Variants in GXYLT2 observed in about 807,000 individuals in gnomAD.
The protein encoded by GXYLT2 is glycosyltransferase 8 domain containing 4.
Under a neutral mutation model 45.8 loss-of-function variants are expected in GXYLT2, and 53 were observed. The observed-to-expected ratio is 1.16, with a 90% CI of 0.93 to 1.46. The LOEUF (loss-of-function observed/expected upper bound fraction) is 1.46. Ranked by LOEUF, GXYLT2 falls within the 40% of genes most tolerant of loss-of-function variation. GXYLT2 has a pLI of 0.00. For missense variants in GXYLT2, 551 were observed against 544.4 expected, an observed-to-expected ratio of 1.01 and a Z score of -0.12; for synonymous variants, 219 against 214.2, an observed-to-expected ratio of 1.02 and a Z score of -0.19.
chr3:72,974,964 T>C lies in GXYLT2; in HGVS notation c.1150-13T>C. 6.5e-7 allele frequency: 1 copy of C among 1,527,102 alleles called. No individual in the cohort carries two copies. Among genetic ancestry groups the C allele is most frequent in the Non-Finnish European group, 8.8e-7 (1 of 1,133,800 alleles). The allele number at this position is 1,527,102 out of a possible 1,614,324, so 94.6% of individuals were successfully genotyped here. A position where few individuals can be genotyped will look rare whatever the true frequency, so the allele number is the denominator to read the frequency against. ...TCCGTTACTAAATAAACTTTTTTTTTGTCATCTTTCAGTTTCCCTTTCAAG... is the reference window on the plus strand; with the variant it reads ...TCCGTTACTAAATAAACTTTTTTTTCGTCATCTTTCAGTTTCCCTTTCAAG... On this transcript the variant is annotated splice_polypyrimidine_tract_variant and intron_variant, in intron 6 of 6. Transcript: ENST00000389617.
chr3:72,941,662 CAT>C (rs1432442765), intron 3 of GXYLT2, among the ~76,000 whole-genome samples: 1 of 152,114 alleles, frequency 6.6e-6, no homozygotes, highest in Non-Finnish European at 1.5e-5. Context: ...CACACACACA[CAT>C]ACACACATGC....
intron 1 of GXYLT2, among the ~76,000 whole-genome samples, chr3:72,897,935 A>G (rs1283101801): frequency 6.6e-6 from 1 of 152,208 alleles, no homozygotes; most frequent in Non-Finnish European, 1.5e-5. Context: ...TTTGTAAGGA[A>G]AAAAGCAAGG....
intron 3 of GXYLT2, among the ~76,000 whole-genome samples, chr3:72,954,360 C>A (rs1710586399): frequency 6.7e-6 from 1 of 148,568 alleles, no homozygotes; most frequent in Non-Finnish European, 1.5e-5. Context: ...CCTGCCTTGG[C>A]CTCCCAAAGT....
rs1010219472 is a variant in GXYLT2, at chr3:72,944,834, A to T, written c.601-10264A>T. Among the ~76,000 whole-genome samples the T allele has an allele frequency of 7.2e-5, 11 of 152,120 alleles. No individual in the cohort carries two copies. In the East Asian group the frequency reaches 2.1e-3, roughly 29 times the overall value. On this transcript the variant is annotated intron_variant, in intron 3 of 6. Transcript: ENST00000389617. ...AGTTTGCAGGGCATTTTCGAAATGC[A>T]TGAGAGGTAAGGAAGTGGAATGATG...
In GXYLT2 at chr3:72,976,602, T is replaced by G. The variant is rs2107166213; in HGVS notation, c.*1443T>G. On this transcript the variant is annotated 3_prime_UTR_variant, in exon 7 of 7. Coordinates refer to ENST00000389617, the MANE Select transcript of GXYLT2 (RefSeq NM_001080393.2). ...TTATCACCTCACTGCAAGGAGGAAGTTGAATATTCTGTTCCCCACGGGGAT... is the reference window on the plus strand; with the variant it reads ...TTATCACCTCACTGCAAGGAGGAAGGTGAATATTCTGTTCCCCACGGGGAT... The G allele has an allele frequency of 6.6e-6, 1 of 152,338 alleles. No individual in the cohort carries two copies. The highest frequency in any genetic ancestry group is 1.9e-4 in the East Asian group (1 of 5,180). The allele number at this position is 152,338 out of a possible 1,614,324, so 9.4% of individuals were successfully genotyped here. A position where few individuals can be genotyped will look rare whatever the true frequency, so the allele number is the denominator to read the frequency against.
intron 3 of GXYLT2, among the ~76,000 whole-genome samples, chr3:72,942,768 G>A (rs1208555420): frequency 6.6e-6 from 1 of 151,668 alleles, no homozygotes; most frequent in African/African-American, 2.4e-5. Context: ...AAAAAAAAAG[G>A]AAAGGCTGAG....
At chr3:72,972,642 G>A (rs867516602) in intron 6 of GXYLT2, among the ~76,000 whole-genome samples, 21 of 84,532 alleles carry the variant, frequency 2.5e-4, no homozygotes, top group South Asian at 4.5e-4. Context: ...CTCTGTCTCG[G>A]AAAAAAAAAA....
chr3:72,938,667 C>T (rs931090879), intron 3 of GXYLT2, among the ~76,000 whole-genome samples: 3 of 152,250 alleles, frequency 2.0e-5, no homozygotes, highest in Middle Eastern at 3.4e-3. Flanking sequence ...AAGCCAAAAG[C>T]AAGCATGGAA....
intron 3 of GXYLT2, among the ~76,000 whole-genome samples, chr3:72,950,182 T>C (rs1324196147): frequency 6.6e-6 from 1 of 151,756 alleles, no homozygotes; most frequent in Non-Finnish European, 1.5e-5. Context: ...AATTAGCAGC[T>C]GGGCACAGTG....
chr3:72,912,697 G>T (rs189649002), intron 2 of GXYLT2, among the ~76,000 whole-genome samples: 1 of 152,112 alleles, frequency 6.6e-6, no homozygotes. Context: ...CAGCCCCAAC[G>T]TCTAGACATG....
intron 6 of GXYLT2, among the ~76,000 whole-genome samples, chr3:72,969,305 A>T (rs1261076815): frequency 6.6e-6 from 1 of 151,600 alleles, no homozygotes; most frequent in Admixed American, 6.6e-5. Flanking sequence ...AAGCAGGAGG[A>T]TCACTTGACC....
At chr3:72,968,743 T>C (rs914432642) in intron 6 of GXYLT2, among the ~76,000 whole-genome samples, 2 of 151,946 alleles carry the variant, frequency 1.3e-5, no homozygotes, top group African/African-American at 4.8e-5. Flanking sequence ...CTGGCCAATA[T>C]GGTGAAACCC....
intron 5 of GXYLT2, among the ~76,000 whole-genome samples, chr3:72,964,504 G>C (rs9847013): frequency 6.6e-6 from 1 of 151,898 alleles, no homozygotes; most frequent in Non-Finnish European, 1.5e-5. Context: ...TGTATTTTTA[G>C]TAGAGGTGGG....
At chr3:72,955,044 T>C in intron 3 of GXYLT2, 54 bp from the exon 4 acceptor site, 1 of 1,582,272 alleles carries the variant, frequency 6.3e-7, no homozygotes, top group Non-Finnish European at 8.6e-7. Flanking sequence ...TGACCTGTTT[T>C]TGTTTTGTTT....
intron 1 of GXYLT2, among the ~76,000 whole-genome samples, chr3:72,892,823 G>A (rs1575771984): frequency 6.6e-6 from 1 of 152,314 alleles, no homozygotes; most frequent in East Asian, 1.9e-4. Context: ...ATATTATGTA[G>A]TGTGAGTCTT....
intron 3 of GXYLT2, among the ~76,000 whole-genome samples, 162 bp from the exon 4 acceptor site, chr3:72,954,936 G>A (rs979891150): frequency 6.6e-6 from 1 of 152,172 alleles, no homozygotes; most frequent in Admixed American, 6.5e-5. Context: ...AAAGGAGAAG[G>A]AAGGAATGGA....
chr3:72,924,211 A>G (rs984031583), intron 3 of GXYLT2, among the ~76,000 whole-genome samples: 1 of 133,360 alleles, frequency 7.5e-6, no homozygotes, highest in Non-Finnish European at 1.6e-5. Context: ...TTTTTTTTTA[A>G]GAGATAAGGT....
intron 3 of GXYLT2, among the ~76,000 whole-genome samples, chr3:72,935,699 G>A (rs1272141228): frequency 1.3e-5 from 2 of 152,172 alleles, no homozygotes; most frequent in South Asian, 2.1e-4. Context: ...AAATATTGGA[G>A]CAATACCTTT....
At chr3:72,967,745 C>G in intron 6 of GXYLT2, 26 bp downstream of exon 6, 1 of 1,602,260 alleles carries the variant, frequency 6.2e-7, no homozygotes, top group Non-Finnish European at 8.5e-7. Context: ...CTGCTGTTAG[C>G]AGATGTGCTT....
Sources: gnomAD v4.1 joint callset for allele counts (sites outside exome capture counted in the v4.1 genomes callset) on GRCh38, gnomAD v4.1.1 for gene constraint, MANE v1.5 for transcripts, NCBI Gene and HGNC (gene_info 2026-07-23, HGNC 2026-07-21) for gene names.